Variants in PLA2G7 observed in about 807,000 individuals in gnomAD.
PLA2G7 encodes phospholipase A2 group VII, also known as platelet-activating factor acetylhydrolase.
Under a neutral mutation model 49.6 loss-of-function variants are expected in PLA2G7, and 63 were observed. The observed-to-expected ratio is 1.27, with a 90% CI of 1.04 to 1.57. PLA2G7 has a LOEUF of 1.57. Ranked by LOEUF, PLA2G7 falls within the 40% of genes most tolerant of loss-of-function variation. The pLI is 0.00. For missense variants in PLA2G7, 596 were observed against 521.2 expected, an observed-to-expected ratio of 1.14 and a Z score of -1.40; for synonymous variants, 193 against 169.9, an observed-to-expected ratio of 1.14 and a Z score of -1.06.
At chr6:46,725,987 C>G (rs917389319) in intron 1 of PLA2G7, among the ~76,000 whole-genome samples, 37 of 152,146 alleles carry the variant, frequency 2.4e-4, no homozygotes, top group Admixed American at 2.4e-3. Context: ...ATAGGTTCAA[C>G]AAAGTATGAA....
chr6:46,735,446 C>A (rs1405719736), upstream of PLA2G7: 2 of 152,370 alleles, frequency 1.3e-5, no homozygotes, highest in Non-Finnish European at 1.5e-5. Context: ...GAGGAGGTAC[C>A]GGGGAGGAGC....
intron 8 of PLA2G7, 127 bp downstream of exon 8, chr6:46,710,418 T>C (rs1024640103): frequency 3.7e-5 from 26 of 698,238 alleles, no homozygotes; most frequent in Non-Finnish European, 6.3e-5. Flanking sequence ...TGTCTGTGTG[T>C]GCGCATTGGG....
chr6:46,722,775 C>A lies in PLA2G7; in HGVS notation c.109+8G>T, dbSNP rs1416909152. ...TTGCTCAAGACCTTGAACAAATACACCTCTTACCTGATGATTTCATATGGG... is the reference window on the plus strand; with the variant it reads ...TTGCTCAAGACCTTGAACAAATACAACTCTTACCTGATGATTTCATATGGG... On this transcript the variant is annotated splice_region_variant and intron_variant, in intron 2 of 11. Transcript: ENST00000274793. 2 of 1,538,376 alleles carry A rather than the reference C, an allele frequency of 1.3e-6. No homozygotes were observed. The highest frequency in any genetic ancestry group is 1.4e-5 in the African/African-American group (1 of 73,482).
intron 1 of PLA2G7, among the ~76,000 whole-genome samples, chr6:46,733,338 C>T (rs190413228): frequency 2.6e-5 from 4 of 152,176 alleles, no homozygotes; most frequent in African/African-American, 4.8e-5. Context: ...AAAAGTCCTG[C>T]GGTGCTAAGC....
intron 2 of PLA2G7, among the ~76,000 whole-genome samples, chr6:46,720,069 C>T (rs1765346505): frequency 6.6e-6 from 1 of 152,196 alleles, no homozygotes; most frequent in South Asian, 2.1e-4. Flanking sequence ...AAGGTAGGGA[C>T]ACCTGCTTCT....
At chr6:46,730,878 A>G (rs1765716335) in intron 1 of PLA2G7, among the ~76,000 whole-genome samples, 1 of 152,178 alleles carries the variant, frequency 6.6e-6, no homozygotes, top group South Asian at 2.1e-4. Context: ...ATGGCAAGAG[A>G]TAAATCATAC....
At chr6:46,734,073 G>A (rs929697779) in intron 1 of PLA2G7, among the ~76,000 whole-genome samples, 9 of 152,064 alleles carry the variant, frequency 5.9e-5, no homozygotes, top group African/African-American at 1.9e-4. Flanking sequence ...CGAACTTTTC[G>A]TTTTTGGTGA....
chr6:46,711,402 C>A, intron 7 of PLA2G7, 94 bp downstream of exon 7: 1 of 1,346,002 alleles, frequency 7.4e-7, no homozygotes, highest in Non-Finnish European at 1.1e-6. Flanking sequence ...GAGCTAGGAG[C>A]ATAACTTGCC....
chr6:46,734,642 G>A (rs1765859417), intron 1 of PLA2G7, among the ~76,000 whole-genome samples: 7 of 151,868 alleles, frequency 4.6e-5, no homozygotes, highest in Admixed American at 6.6e-5. Context: ...CGAACACAGC[G>A]AAACCCCGTC....
At chr6:46,714,907 A>G (rs574819432) in intron 4 of PLA2G7, among the ~76,000 whole-genome samples, 7 of 151,508 alleles carry the variant, frequency 4.6e-5, no homozygotes, top group African/African-American at 1.5e-4. Context: ...GGCTAATTTT[A>G]TATTTTTAGT....
chr6:46,704,916 C>G (rs139830221), intron 11 of PLA2G7, among the ~76,000 whole-genome samples: 1 of 152,162 alleles, frequency 6.6e-6, no homozygotes, highest in South Asian at 2.1e-4. Context: ...CATGGAAGTC[C>G]ACTCTAGGCT....
rs1765447825 is a variant in PLA2G7 at position 46,722,954 on chromosome 6, G to C, written c.-34-29C>G. 3.2e-5 allele frequency: 30 copies of C among 948,530 alleles called. No individual in the cohort carries two copies. In the South Asian group the frequency reaches 4.1e-4, roughly 13 times the overall value. 58.8% of individuals were successfully genotyped at this position (948,530 alleles called of 1,614,324 possible). A position where few individuals can be genotyped will look rare whatever the true frequency, so the allele number is the denominator to read the frequency against. The stretch of plus-strand genomic sequence containing the variant: ...CGAAGCAGATGATTAAAAGAAAAAA[G>C]AAGTATGCAATGAAGAGGCCTTAAA... On this transcript the variant is annotated intron_variant, in intron 1 of 11. Transcript: ENST00000274793.
chr6:46,734,728 C>T (rs1370844159), intron 1 of PLA2G7, among the ~76,000 whole-genome samples: 1 of 151,772 alleles, frequency 6.6e-6, no homozygotes, highest in Admixed American at 6.6e-5. Context: ...GAAGTTGAGG[C>T]AGGAGAATTG....
At chr6:46,711,367 G>A in intron 7 of PLA2G7, 129 bp downstream of exon 7, 2 of 1,014,450 alleles carry the variant, frequency 2.0e-6, no homozygotes, top group South Asian at 1.3e-5. Flanking sequence ...TCTATTGACA[G>A]ATCTTTTGGG....
intron 10 of PLA2G7, among the ~76,000 whole-genome samples, chr6:46,705,845 A>G (rs1170690767): frequency 6.6e-6 from 1 of 152,246 alleles, no homozygotes; most frequent in Non-Finnish European, 1.5e-5. Context: ...GTCAAATAGA[A>G]TGGCCTTTTT....
intron 1 of PLA2G7, among the ~76,000 whole-genome samples, chr6:46,727,143 C>G (rs1185165041): frequency 6.6e-6 from 1 of 152,172 alleles, no homozygotes; most frequent in Non-Finnish European, 1.5e-5. Flanking sequence ...CTTCATTTCT[C>G]CCACTGAAAC....
chr6:46,733,815 T>G (rs1765807718), intron 1 of PLA2G7, among the ~76,000 whole-genome samples: 2 of 152,352 alleles, frequency 1.3e-5, no homozygotes, highest in African/African-American at 2.4e-5. Flanking sequence ...GGTTTCGTGC[T>G]GAGCCTCTTG....
intron 9 of PLA2G7, among the ~76,000 whole-genome samples, chr6:46,708,842 G>A (rs1163392213): frequency 6.6e-6 from 1 of 152,014 alleles, no homozygotes; most frequent in African/African-American, 2.4e-5. Flanking sequence ...TGGAATGAAG[G>A]TTTAAGAAAG....
intron 4 of PLA2G7, among the ~76,000 whole-genome samples, chr6:46,714,962 C>T (rs1338756811): frequency 1.3e-5 from 2 of 151,826 alleles, no homozygotes; most frequent in East Asian, 1.9e-4. Context: ...CGTGAACTCC[C>T]GACCTCAGGT....
Sources: gnomAD v4.1 joint callset for allele counts (sites outside exome capture counted in the v4.1 genomes callset) on GRCh38, gnomAD v4.1.1 for gene constraint, MANE v1.5 for transcripts, NCBI Gene and HGNC (gene_info 2026-07-23, HGNC 2026-07-21) for gene names.